The following TLK2 variants were observed in gnomAD, a reference collection of about 807,000 sequenced individuals.
TLK2 encodes tousled like kinase 2.
TLK2 carries 6 observed loss-of-function variants against 117.3 expected under a neutral mutation model. The ratio of observed to expected loss-of-function variants is 0.05; its 90% confidence interval spans 0.03 to 0.10. The LOEUF is 0.10. Among genes scored for constraint, TLK2 ranks in the 10% least tolerant of loss-of-function variants. The pLI, the probability that TLK2 is intolerant of heterozygous loss-of-function variation, is 1.00. For missense variants in TLK2, 299 were observed against 901.2 expected (o/e 0.33, Z 8.56); for synonymous variants, 257 against 316.7 (o/e 0.81, Z 2.00).
chr17:62,565,761 A>C (rs1206437934), intron 11 of TLK2, among the ~76,000 whole-genome samples: 2 of 152,160 alleles, frequency 1.3e-5, no homozygotes, highest in African/African-American at 4.8e-5. Flanking sequence ...TTCTAATTAT[A>C]TAATGAATTT....
At chr17:62,570,008 A>G (rs1026790963) in intron 11 of TLK2, among the ~76,000 whole-genome samples, 19 of 152,160 alleles carry the variant, frequency 1.2e-4, no homozygotes, top group African/African-American at 4.6e-4. Context: ...TTGCGGCAGC[A>G]TAACTCCATT....
chr17:62,484,931 C>A (rs1185191072), intron 2 of TLK2, among the ~76,000 whole-genome samples: 1 of 152,064 alleles, frequency 6.6e-6, no homozygotes, highest in Admixed American at 6.6e-5. Flanking sequence ...GTGGTGGGTG[C>A]CTGTAATCCC....
At chr17:62,542,796 T>G (rs1233309702) in intron 7 of TLK2, among the ~76,000 whole-genome samples, 3 of 152,244 alleles carry the variant, frequency 2.0e-5, no homozygotes, top group Non-Finnish European at 4.4e-5. Context: ...CTTTTAACAT[T>G]ATGCAGATGT....
intron 16 of TLK2, 123 bp from the exon 17 acceptor site, chr17:62,596,462 G>T: frequency 1.4e-6 from 1 of 706,062 alleles, no homozygotes; most frequent in South Asian, 1.8e-5. Context: ...GGGACCAGAT[G>T]GACCTGAATG....
At position 62,612,424 on chromosome 17, in the gene TLK2, G is replaced by A. The variant is rs771204509; in HGVS notation, c.2112G>A (p.Lys704=). The A allele has an allele frequency of 2.3e-5, 37 of 1,613,902 alleles. No individual in the cohort carries two copies. The South Asian group carries it at 3.8e-4, about 17-fold the overall frequency. Residue 704 remains lysine (K), a synonymous_variant, in exon 22 of 22, where the codon AAG becomes AAA. Transcript: ENST00000346027. ...AFIRRCLAYR[K]EDRIDVQQLA... is the part of the protein sequence containing the mutation. ...TTCGACGATGCTTGGCCTACCGAAA[G>A]GAGGACCGCATTGATGTCCAGCAGC...
rs763376366 is a variant in TLK2, at chr17:62,564,973, A to G, written c.832-28A>G. 1.3e-5 allele frequency: 20 copies of G among 1,590,012 alleles called. No homozygotes were observed. The Admixed American group carries it at 3.8e-4, about 30-fold the overall frequency. On this transcript the variant is annotated intron_variant, in intron 10 of 21. Coordinates refer to ENST00000346027, the MANE Select transcript of TLK2 (RefSeq NM_006852.6). Reference sequence around the variant, plus strand: ...CTTTATCCATGCTAATTGGTATTGAATTCCTTTTTTTGTCTGTTTCCCCTA... The same window carrying G: ...CTTTATCCATGCTAATTGGTATTGAGTTCCTTTTTTTGTCTGTTTCCCCTA...
At chr17:62,476,123 G>C (rs965966581), upstream of TLK2, among the ~76,000 whole-genome samples, 1 of 152,046 alleles carries the variant, frequency 6.6e-6, no homozygotes, top group Non-Finnish European at 1.5e-5. Context: ...GAAAGTACAG[G>C]TACGTACCAC....
rs931002331 is a variant in TLK2 at position 62,516,612 on chromosome 17, G to A, written c.82-4161G>A. On this transcript the variant is annotated intron_variant, in intron 2 of 21. Transcript: ENST00000346027. ...GTTCTTTCACGTAGCCTCGGCACTT[G>A]AGAGACTGCATGGCCTTCATGACAT... 5.0e-6 allele frequency: 8 copies of A among 1,610,082 alleles called. No homozygotes were observed. In the African/African-American group the frequency reaches 9.4e-5, roughly 19 times the overall value.
At chr17:62,507,293 G>T (rs781635723) in intron 2 of TLK2, 2 of 152,010 alleles carry the variant, frequency 1.3e-5, no homozygotes, top group Non-Finnish European at 2.9e-5. Flanking sequence ...AAAAAAAAAG[G>T]TAAACTTTTT....
intron 15 of TLK2, among the ~76,000 whole-genome samples, chr17:62,584,725 C>T (rs986930000): frequency 6.6e-6 from 1 of 152,170 alleles, no homozygotes; most frequent in Non-Finnish European, 1.5e-5. Context: ...GGTTTTTATA[C>T]TTTAAACATA....
rs577816357 is a variant in TLK2 at position 62,514,724 on chromosome 17, G to A, written c.82-6049G>A. Reference sequence around the variant, plus strand: ...TTCCTGAGTAGCTGGGATTACAAGCGCCCGCCACCACACCCAGCTAATTTT... The same window carrying A: ...TTCCTGAGTAGCTGGGATTACAAGCACCCGCCACCACACCCAGCTAATTTT... On this transcript the variant is annotated intron_variant, in intron 2 of 21. Coordinates refer to ENST00000346027, the MANE Select transcript of TLK2 (RefSeq NM_006852.6). 1.1e-4 allele frequency among the ~76,000 whole-genome samples: 16 copies of A among 151,734 alleles called. 1 individual carries two copies. The highest frequency in any genetic ancestry group is 8.6e-4 in the Admixed American group (13 of 15,196).
At chr17:62,518,862 A>G (rs1384238075) in intron 2 of TLK2, among the ~76,000 whole-genome samples, 2 of 152,216 alleles carry the variant, frequency 1.3e-5, no homozygotes, top group South Asian at 2.1e-4. Context: ...AGTAATAAAC[A>G]TGTTTTTATT....
Position 62,478,836 on chromosome 17 carries a change from G to A in TLK2, c.-460G>A, listed in dbSNP as rs2071239009. 7.0e-6 allele frequency among the ~76,000 whole-genome samples: 1 copy of A among 143,310 alleles called. No homozygotes were observed. The highest frequency in any genetic ancestry group is 7.3e-5 in the Admixed American group (1 of 13,730). 94.0% of individuals were successfully genotyped at this position (143,310 alleles called of 152,430 possible). A position where few individuals can be genotyped will look rare whatever the true frequency, so the allele number is the denominator to read the frequency against. ...TGTTTACACCGATCACTACTAATCC[G>A]GACCGAACCGATCCGGATTAAGGGG... On this transcript the variant is annotated 5_prime_UTR_variant, in exon 1 of 22. Transcript: ENST00000346027.
chr17:62,499,367 G>A (rs1567797238), intron 2 of TLK2, among the ~76,000 whole-genome samples: 1 of 151,146 alleles, frequency 6.6e-6, no homozygotes, highest in Admixed American at 6.6e-5. Context: ...GTTTTGCCAC[G>A]TTGCCCAGCC....
At chr17:62,472,580 T>C (rs1320675116) in intron 1 of TLK2, among the ~76,000 whole-genome samples, 3 of 151,468 alleles carry the variant, frequency 2.0e-5, no homozygotes, top group African/African-American at 7.3e-5. Flanking sequence ...CTACTAAAAA[T>C]AAAAAAAATT....
chr17:62,498,871 TTG>T (rs1484999048), intron 2 of TLK2, among the ~76,000 whole-genome samples: 1 of 151,988 alleles, frequency 6.6e-6, no homozygotes, highest in Non-Finnish European at 1.5e-5. Context: ...GTTTATTTGT[TTG>T]TTTGTTTGAG....
At chr17:62,580,411 T>G (rs555646351) in intron 15 of TLK2, among the ~76,000 whole-genome samples, 1 of 151,596 alleles carries the variant, frequency 6.6e-6, no homozygotes, top group South Asian at 2.1e-4. Flanking sequence ...TAAATAATTA[T>G]AGATTTAAAA....
intron 11 of TLK2, among the ~76,000 whole-genome samples, chr17:62,570,480 C>T (rs947111668): frequency 2.0e-5 from 3 of 152,140 alleles, no homozygotes; most frequent in African/African-American, 4.8e-5. Context: ...TGCTAAGACA[C>T]GATTCCTGTT....
upstream of TLK2, among the ~76,000 whole-genome samples, chr17:62,474,320 C>T (rs2070996826): frequency 6.6e-6 from 1 of 151,526 alleles, no homozygotes; most frequent in Non-Finnish European, 1.5e-5. Context: ...CCTCGTGATT[C>T]ACCCGCTTCA....
Sources: allele counts gnomAD v4.1 joint callset (sites outside exome capture counted in the v4.1 genomes callset), GRCh38; gene constraint gnomAD v4.1.1; transcripts MANE v1.5; gene names NCBI Gene and HGNC (gene_info 2026-07-23, HGNC 2026-07-21).